NTN1: variants seen among roughly 807,000 people sequenced by gnomAD.
NTN1 encodes the protein netrin 1, also known as netrin-1.
Under a neutral mutation model 54.2 loss-of-function variants are expected in NTN1, and 11 were observed. The observed-to-expected ratio is 0.20, with a 90% confidence interval of 0.13 to 0.34. The LOEUF is 0.34. NTN1 is among the 10% of genes least tolerant of loss of function. NTN1 has a pLI of 1.00. For missense variants in NTN1, 740 were observed against 893.1 expected, an observed-to-expected ratio of 0.83 and a Z score of 2.18; for synonymous variants, 371 against 382.0, an observed-to-expected ratio of 0.97 and a Z score of 0.33.
chr17:9,170,424 G>A (rs767833289), intron 3 of NTN1, among the ~76,000 whole-genome samples: 10 of 152,154 alleles, frequency 6.6e-5, no homozygotes, highest in Non-Finnish European at 1.3e-4. Context: ...TGGTTCTTTC[G>A]GTGAGTGGTG....
At chr17:9,151,119 C>G (rs761731563) in intron 2 of NTN1, among the ~76,000 whole-genome samples, 8 of 152,302 alleles carry the variant, frequency 5.3e-5, no homozygotes, top group Non-Finnish European at 1.0e-4. Flanking sequence ...CTGCCCCCCA[C>G]CCCTGTCCCT....
At position 9,149,252 on chromosome 17, in the gene NTN1, A is replaced by ACC. The variant is rs397768689; in HGVS notation, c.1019-13554_1019-13553dup. 3.0e-3 allele frequency among the ~76,000 whole-genome samples: 447 copies of ACC among 148,466 alleles called. 2 individuals are homozygous for ACC. Among genetic ancestry groups the ACC allele is most frequent in the African/African-American group, 9.0e-3 (361 of 40,026 alleles). ...CTCTAGGGAAAAGAGATTGGAAGGA[A>ACC]CCCCCCCCACACCCCCACACACACC... On this transcript the variant is annotated intron_variant, in intron 2 of 6. Transcript: ENST00000173229.
the NTN1 span, among the ~76,000 whole-genome samples, chr17:9,009,080 C>T: frequency 1.3e-5 from 2 of 152,190 alleles, no homozygotes; most frequent in Non-Finnish European, 2.9e-5. Context: ...ACAAAAAAAG[C>T]TCTGTCTTGG....
rs770519483 is a variant in NTN1, at chr17:9,022,420, C to G, written c.47C>G (p.Ala16Gly). 2 of 1,350,310 alleles carry G rather than the reference C, an allele frequency of 1.5e-6. No individual in the cohort carries two copies. The highest frequency in any genetic ancestry group is 1.9e-6 in the Non-Finnish European group (2 of 1,061,908). 83.6% of individuals were successfully genotyped at this position (1,350,310 alleles called of 1,614,324 possible). A position where few individuals can be genotyped will look rare whatever the true frequency, so the allele number is the denominator to read the frequency against. The change falls in exon 2 of 7, where the codon GCG becomes GGG. Residue 16 changes from alanine to glycine, a missense_variant. Ala to Gly is a moderately conservative substitution (Grantham distance 60). Coordinates refer to ENST00000173229, the MANE Select transcript of NTN1 (RefSeq NM_004822.3). Reference protein sequence around the residue: ...WEALAALAAVACLVGAVRGGP... With the variant: ...WEALAALAAVGCLVGAVRGGP... ...GCGCTGGCGGCGCTGGCGGCGGTGG[C>G]GTGCCTGGTGGGCGCGGTGCGCGGC...
chr17:9,021,125 G>A (rs2151505495), upstream of NTN1, among the ~76,000 whole-genome samples: 1 of 152,254 alleles, frequency 6.6e-6, no homozygotes, highest in Middle Eastern at 3.4e-3. Flanking sequence ...GCTGGGACCG[G>A]GAGGGAGAAA....
At chr17:9,226,777 C>T (rs1905578394) in intron 6 of NTN1, among the ~76,000 whole-genome samples, 2 of 152,088 alleles carry the variant, frequency 1.3e-5, no homozygotes, top group South Asian at 2.1e-4. Context: ...GAGGAGGCGG[C>T]GAGTGAGCGT....
chr17:9,217,660 G>A lies in NTN1; in HGVS notation c.1412-3508G>A, dbSNP rs112839006. ...GCCAAATAGCTGTCACAGTGTCCAT[G>A]TTCTGAAGGTTATTCACTTTACCTA... On this transcript the variant is annotated intron_variant, in intron 5 of 6. Coordinates refer to ENST00000173229, the MANE Select transcript of NTN1 (RefSeq NM_004822.3). Among the ~76,000 whole-genome samples, 527 of 152,088 alleles carry A rather than the reference G, an allele frequency of 3.5e-3. 1 individual carries two copies. The highest frequency in any genetic ancestry group is 7.3e-3 in the Admixed American group (112 of 15,296).
At chr17:9,128,623 G>C (rs1391046378) in intron 2 of NTN1, among the ~76,000 whole-genome samples, 1 of 152,174 alleles carries the variant, frequency 6.6e-6, no homozygotes, top group Non-Finnish European at 1.5e-5. Context: ...GCTGCACCTG[G>C]TCGTTTTCCT....
At chr17:9,113,439 C>CAATG (rs1204166312) in intron 2 of NTN1, among the ~76,000 whole-genome samples, 1 of 152,094 alleles carries the variant, frequency 6.6e-6, no homozygotes, top group Non-Finnish European at 1.5e-5. Context: ...TCCCTGGGAG[C>CAATG]AATGGTTCAT....
At chr17:9,051,243 G>A (rs1294952139) in intron 2 of NTN1, among the ~76,000 whole-genome samples, 1 of 152,236 alleles carries the variant, frequency 6.6e-6, no homozygotes, top group Non-Finnish European at 1.5e-5. Flanking sequence ...GCCAGGCCTG[G>A]CTTGGTATTT....
At chr17:9,183,685 C>G (rs995202498) in intron 5 of NTN1, 3 of 189,698 alleles carry the variant, frequency 1.6e-5, no homozygotes, top group African/African-American at 7.2e-5. Context: ...TACCATCAAT[C>G]TGGGTCTTTA....
intron 2 of NTN1, among the ~76,000 whole-genome samples, chr17:9,046,750 C>T (rs2142195255): frequency 6.6e-6 from 1 of 152,234 alleles, no homozygotes; most frequent in South Asian, 2.1e-4. Context: ...TGTGCTACTG[C>T]ACTCCAGCCT....
At chr17:9,015,845 C>T in the NTN1 span, among the ~76,000 whole-genome samples, 63 of 152,110 alleles carry the variant, frequency 4.1e-4, no homozygotes, top group South Asian at 1.2e-3. Context: ...CCAAGGCGGG[C>T]GAATCACCTG....
intron 2 of NTN1, among the ~76,000 whole-genome samples, chr17:9,032,988 C>CT (rs1417297891): frequency 2.0e-5 from 3 of 147,242 alleles, no homozygotes; most frequent in Non-Finnish European, 4.4e-5. Context: ...GAATCTCACT[C>CT]TGTCATCGAG....
At chr17:9,110,164 C>G (rs1397580643) in intron 2 of NTN1, among the ~76,000 whole-genome samples, 1 of 152,168 alleles carries the variant, frequency 6.6e-6, no homozygotes. Context: ...CAACCTGACT[C>G]AAAACCCAGG....
intron 2 of NTN1, among the ~76,000 whole-genome samples, chr17:9,056,763 G>A (rs1050157866): frequency 6.6e-6 from 1 of 152,190 alleles, no homozygotes; most frequent in African/African-American, 2.4e-5. Context: ...GGGTAGTGAT[G>A]TGAGCACTTA....
intron 2 of NTN1, among the ~76,000 whole-genome samples, chr17:9,138,702 A>C (rs762534800): frequency 6.6e-6 from 1 of 151,984 alleles, no homozygotes; most frequent in African/African-American, 2.4e-5. Context: ...AGACTGGAGG[A>C]GATAAGGCCA....
At chr17:9,188,963 AG>A (rs1287322562) in intron 5 of NTN1, among the ~76,000 whole-genome samples, 1 of 152,200 alleles carries the variant, frequency 6.6e-6, no homozygotes, top group Non-Finnish European at 1.5e-5. Flanking sequence ...AGGCTGTCCC[AG>A]GTTAGCCATT....
chr17:9,234,023 C>G (rs568250210), intron 6 of NTN1, among the ~76,000 whole-genome samples: 45 of 152,346 alleles, frequency 3.0e-4, no homozygotes, highest in African/African-American at 1.0e-3. Flanking sequence ...CACACTGCGG[C>G]AGGCTGCCCT....
Sources: allele counts gnomAD v4.1 joint callset (sites outside exome capture counted in the v4.1 genomes callset), GRCh38; gene constraint gnomAD v4.1.1; transcripts MANE v1.5; gene names NCBI Gene and HGNC (gene_info 2026-07-23, HGNC 2026-07-21).